The following MED13L variants were observed in gnomAD, a reference collection of about 807,000 sequenced individuals.
MED13L encodes the protein mediator of RNA polymerase II transcription subunit 13-like.
Under a neutral mutation model 220.9 loss-of-function variants are expected in MED13L, and 7 were observed. The observed-to-expected ratio is 0.03, with a 90% CI of 0.02 to 0.06. The LOEUF is 0.06. Among genes scored for constraint, MED13L ranks in the 10% least tolerant of loss-of-function variants. MED13L has a pLI of 1.00. For synonymous variants in MED13L, 1,011 were observed against 1,015.2 expected (o/e 1.00, Z 0.08); for missense variants, 1,965 against 2,760.5 (o/e 0.71, Z 6.46).
At chr12:116,091,943 A>G (rs919305124) in intron 4 of MED13L, among the ~76,000 whole-genome samples, 9 of 152,168 alleles carry the variant, frequency 5.9e-5, no homozygotes, top group Non-Finnish European at 1.2e-4. Context: ...ATGATCCCCA[A>G]GACTCTAACT....
chr12:116,268,872 G>A (rs999635824), intron 1 of MED13L, among the ~76,000 whole-genome samples: 3 of 152,078 alleles, frequency 2.0e-5, no homozygotes, highest in Non-Finnish European at 4.4e-5. Flanking sequence ...TACAAATTAA[G>A]AATTATTAAG....
At position 116,019,235 on chromosome 12, in the gene MED13L, T is replaced by G; in HGVS notation, c.998A>C (p.Gln333Pro). Residue 333 changes from glutamine to proline, a missense_variant, in exon 7 of 31, where the codon CAG becomes CCG. Transcript: ENST00000281928. ...TGGATCCTACTCACCTAGGATAGCC[T>G]GTTCTGGAGAGGTGGGAGGGGTCAG... is the stretch of plus-strand genomic sequence containing the variant. ...MPLTPPTSPE[Q>P]AILGESGGMQ... The G allele has an allele frequency of 6.2e-7, 1 of 1,613,626 alleles. No individual in the cohort carries two copies. Among genetic ancestry groups the G allele is most frequent in the Non-Finnish European group, 8.5e-7 (1 of 1,179,794 alleles).
chr12:116,027,645 T>C lies in MED13L; in HGVS notation c.480-5044A>G, dbSNP rs143779851. 1.3e-3 allele frequency among the ~76,000 whole-genome samples: 201 copies of C among 152,260 alleles called. 1 individual carries two copies. Among genetic ancestry groups the C allele is most frequent in the African/African-American group, 4.7e-3 (197 of 41,552 alleles). ...TGTTGGCCCAACCAGAGGAGTGCTC[T>C]AGAGAAATCCGCGGTGCTTCCATGT... is the stretch of plus-strand genomic sequence containing the variant. On this transcript the variant is annotated intron_variant, in intron 4 of 30. Coordinates refer to ENST00000281928, the MANE Select transcript of MED13L (RefSeq NM_015335.5).
chr12:116,052,008 ACAG>A (rs1868547038), intron 4 of MED13L, among the ~76,000 whole-genome samples: 1 of 152,168 alleles, frequency 6.6e-6, no homozygotes, highest in Admixed American at 6.6e-5. Context: ...TTCATTTCTA[ACAG>A]CAGCAGTGGT....
chr12:116,081,703 C>CA (rs1871250118), intron 4 of MED13L, among the ~76,000 whole-genome samples: 1 of 152,016 alleles, frequency 6.6e-6, no homozygotes, highest in African/African-American at 2.4e-5. Flanking sequence ...CCTGTCTCTA[C>CA]AAAAAATACA....
intron 2 of MED13L, among the ~76,000 whole-genome samples, chr12:116,113,692 G>T (rs1874275642): frequency 7.2e-6 from 1 of 138,570 alleles, no homozygotes; most frequent in East Asian, 2.2e-4. Context: ...GAGGGAGGGA[G>T]ACAGTGAGTG....
intron 1 of MED13L, among the ~76,000 whole-genome samples, chr12:116,273,380 A>G (rs1041452946): frequency 1.3e-5 from 2 of 152,166 alleles, no homozygotes; most frequent in African/African-American, 4.8e-5. Flanking sequence ...ATAAAATCAC[A>G]ATGAACTGGT....
chr12:116,018,270 C>T (rs1879849931), intron 7 of MED13L, among the ~76,000 whole-genome samples: 1 of 152,202 alleles, frequency 6.6e-6, no homozygotes, highest in South Asian at 2.1e-4. Context: ...TGCGCTCAAT[C>T]ACAAAGTATA....
chr12:116,090,732 C>T (rs1203029991), intron 4 of MED13L, among the ~76,000 whole-genome samples: 1 of 152,076 alleles, frequency 6.6e-6, no homozygotes, highest in African/African-American at 2.4e-5. Context: ...GTCTATTGAA[C>T]AAGGAGAGAT....
chr12:116,161,173 G>A (rs1878826905), intron 2 of MED13L, among the ~76,000 whole-genome samples: 1 of 152,030 alleles, frequency 6.6e-6, no homozygotes, highest in Non-Finnish European at 1.5e-5. Flanking sequence ...GACCCGTCAT[G>A]ACCGAATCAC....
intron 2 of MED13L, among the ~76,000 whole-genome samples, chr12:116,143,543 T>C (rs1877258116): frequency 6.6e-6 from 1 of 152,164 alleles, no homozygotes; most frequent in Non-Finnish European, 1.5e-5. Flanking sequence ...TTAGCTAGGT[T>C]CCCGGCTTGT....
At chr12:116,190,620 C>G (rs572803966) in intron 2 of MED13L, among the ~76,000 whole-genome samples, 1 of 152,162 alleles carries the variant, frequency 6.6e-6, no homozygotes, top group Non-Finnish European at 1.5e-5. Context: ...TTTGTTAAAT[C>G]AATTAATCAA....
At chr12:116,246,689 T>C (rs1207532224) in intron 1 of MED13L, among the ~76,000 whole-genome samples, 2 of 137,692 alleles carry the variant, frequency 1.5e-5, no homozygotes, top group African/African-American at 5.6e-5. Flanking sequence ...CACACATATG[T>C]AGTCCCAGCT....
chr12:116,170,716 T>A (rs1412849153), intron 2 of MED13L, among the ~76,000 whole-genome samples: 3 of 151,590 alleles, frequency 2.0e-5, no homozygotes, highest in Non-Finnish European at 2.9e-5. Flanking sequence ...TTCTTGGGCC[T>A]AAGCCTCCTG....
chr12:116,119,861 A>ATG (rs1874884719), intron 2 of MED13L, among the ~76,000 whole-genome samples: 1 of 138,082 alleles, frequency 7.2e-6, no homozygotes, highest in Non-Finnish European at 1.6e-5. Flanking sequence ...ATATATATAT[A>ATG]TGAAACTTGT....
chr12:116,009,813 G>A (rs773504609), intron 9 of MED13L, among the ~76,000 whole-genome samples: 2 of 152,026 alleles, frequency 1.3e-5, no homozygotes, highest in African/African-American at 4.8e-5. Flanking sequence ...AAACCAAGTC[G>A]GCTCACATCT....
chr12:116,266,754 C>T (rs1872863689), intron 1 of MED13L, among the ~76,000 whole-genome samples: 1 of 152,170 alleles, frequency 6.6e-6, no homozygotes, highest in African/African-American at 2.4e-5. Context: ...TTTTAGAACA[C>T]AGGAGACCAC....
chr12:116,109,374 A>T (rs1593054290), intron 3 of MED13L, among the ~76,000 whole-genome samples: 1 of 152,156 alleles, frequency 6.6e-6, no homozygotes, highest in East Asian at 1.9e-4. Context: ...AATAAATGAA[A>T]TACCTGCATT....
chr12:116,222,158 A>C (rs984295124), intron 2 of MED13L, among the ~76,000 whole-genome samples: 15 of 152,204 alleles, frequency 9.9e-5, no homozygotes, highest in African/African-American at 3.6e-4. Flanking sequence ...TATGGCTATA[A>C]AATGCATTTA....
Sources: allele counts gnomAD v4.1 joint callset (sites outside exome capture counted in the v4.1 genomes callset), GRCh38; gene constraint gnomAD v4.1.1; transcripts MANE v1.5; gene names NCBI Gene and HGNC (gene_info 2026-07-23, HGNC 2026-07-21).